PLCXD3: variants seen among roughly 807,000 people sequenced by gnomAD.
PLCXD3 encodes PI-PLC X domain-containing protein 3.
In PLCXD3, 19 loss-of-function variants were observed where a neutral mutation model predicts 25.5. The ratio of observed to expected loss-of-function variants is 0.75; its 90% CI spans 0.52 to 1.09. PLCXD3 has a LOEUF of 1.09. Ranked by LOEUF, PLCXD3 falls within the 50% of genes least tolerant of loss-of-function variation. PLCXD3 has a pLI of 0.00. For missense variants in PLCXD3, 411 were observed against 388.1 expected (o/e 1.06, Z -0.50); for synonymous variants, 174 against 137.6 (o/e 1.26, Z -1.85).
In PLCXD3 at chr5:41,328,672, A is replaced by G. The variant is rs1369026194; in HGVS notation, c.813-14902T>C. Among the ~76,000 whole-genome samples, 10 of 152,288 alleles carry G rather than the reference A, an allele frequency of 6.6e-5. No homozygotes were observed. The East Asian group carries it at 1.9e-3, about 29-fold the overall frequency. ...AAACTGATTACAGGATTCTTAGAAG[A>G]GAAACAGGGAAGCCTACAGGAATCA... On this transcript the variant is annotated intron_variant, in intron 2 of 2. Transcript: ENST00000377801.
intron 1 of PLCXD3, among the ~76,000 whole-genome samples, chr5:41,441,077 C>T (rs1747374229): frequency 6.6e-6 from 1 of 152,204 alleles, no homozygotes; most frequent in Admixed American, 6.5e-5. Flanking sequence ...CAACATCTTG[C>T]CACCAAATCC....
chr5:41,383,515 C>A (rs905420540), intron 1 of PLCXD3, among the ~76,000 whole-genome samples: 3 of 152,016 alleles, frequency 2.0e-5, no homozygotes, highest in Non-Finnish European at 4.4e-5. Flanking sequence ...TTCTTAAAGC[C>A]TCCTTTTATT....
At chr5:41,365,987 C>T (rs1205219604) in intron 2 of PLCXD3, among the ~76,000 whole-genome samples, 1 of 151,564 alleles carries the variant, frequency 6.6e-6, no homozygotes, top group Non-Finnish European at 1.5e-5. Context: ...TACTTGTGCA[C>T]AACGTGCAGG....
intron 1 of PLCXD3, among the ~76,000 whole-genome samples, chr5:41,401,334 T>C (rs1290564731): frequency 6.6e-6 from 1 of 152,116 alleles, no homozygotes; most frequent in Non-Finnish European, 1.5e-5. Flanking sequence ...TTTTATAGTT[T>C]TGGCATTTAT....
At chr5:41,374,043 G>A (rs1745205618) in intron 2 of PLCXD3, among the ~76,000 whole-genome samples, 1 of 152,134 alleles carries the variant, frequency 6.6e-6, no homozygotes, top group Admixed American at 6.6e-5. Context: ...TAGAGGAGCT[G>A]TAGCTTAGAT....
intron 2 of PLCXD3, among the ~76,000 whole-genome samples, chr5:41,367,698 A>C (rs1406565735): frequency 6.6e-6 from 1 of 152,048 alleles, no homozygotes; most frequent in African/African-American, 2.4e-5. Flanking sequence ...TTGCATCTTC[A>C]TCATGAAATC....
rs146181466 is a variant in PLCXD3 at position 41,326,168 on chromosome 5, C to T, written c.813-12398G>A. On this transcript the variant is annotated intron_variant, in intron 2 of 2. Transcript: ENST00000377801. Reference sequence around the variant, plus strand: ...ATTTAAGTCACCTATCTTTCTATCCCTCCATTCATCCATCCATGCATTCAT... The same window carrying T: ...ATTTAAGTCACCTATCTTTCTATCCTTCCATTCATCCATCCATGCATTCAT... Among the ~76,000 whole-genome samples, 189 of 152,222 alleles carry T rather than the reference C, an allele frequency of 1.2e-3. 1 individual carries two copies. The highest frequency in any genetic ancestry group is 4.5e-3 in the African/African-American group (186 of 41,532).
intron 1 of PLCXD3, among the ~76,000 whole-genome samples, chr5:41,464,809 T>C (rs1747973784): frequency 6.6e-6 from 1 of 152,058 alleles, no homozygotes; most frequent in South Asian, 2.1e-4. Context: ...ACTTTCTGAA[T>C]CTATCTTCCA....
chr5:41,409,102 A>G (rs1232011382), intron 1 of PLCXD3, among the ~76,000 whole-genome samples: 1 of 152,200 alleles, frequency 6.6e-6, no homozygotes, highest in Non-Finnish European at 1.5e-5. Context: ...TGAACAGCCC[A>G]AGGAGGACAA....
intron 1 of PLCXD3, among the ~76,000 whole-genome samples, chr5:41,389,627 A>G (rs2150495397): frequency 6.6e-6 from 1 of 152,276 alleles, no homozygotes; most frequent in African/African-American, 2.4e-5. Flanking sequence ...TCAACACCAT[A>G]TCTGCTGTTG....
At chr5:41,363,376 TA>T (rs954801596) in intron 2 of PLCXD3, among the ~76,000 whole-genome samples, 11 of 152,192 alleles carry the variant, frequency 7.2e-5, no homozygotes, top group African/African-American at 2.4e-4. Flanking sequence ...GATAATAATA[TA>T]TTTTTTTAAA....
At chr5:41,448,420 G>T (rs1246299284) in intron 1 of PLCXD3, among the ~76,000 whole-genome samples, 1 of 152,188 alleles carries the variant, frequency 6.6e-6, no homozygotes, top group Admixed American at 6.5e-5. Flanking sequence ...AAATGCCTCG[G>T]AAATTGGTGC....
At chr5:41,487,011 A>C (rs1334050164) in intron 1 of PLCXD3, among the ~76,000 whole-genome samples, 4 of 151,290 alleles carry the variant, frequency 2.6e-5, no homozygotes, top group African/African-American at 9.7e-5. Flanking sequence ...TGCGAATTTA[A>C]AAACCAAAGC....
chr5:41,427,765 C>A (rs1746995885), intron 1 of PLCXD3, among the ~76,000 whole-genome samples: 1 of 152,144 alleles, frequency 6.6e-6, no homozygotes, highest in African/African-American at 2.4e-5. Flanking sequence ...ACATTTCCTT[C>A]TTCCATTCAC....
chr5:41,314,198 A>G (rs1365694380), intron 2 of PLCXD3, among the ~76,000 whole-genome samples: 2 of 152,242 alleles, frequency 1.3e-5, no homozygotes, highest in African/African-American at 2.4e-5. Context: ...GATATTGTAA[A>G]TAGACATAAT....
chr5:41,451,643 T>C (rs547207541), intron 1 of PLCXD3, among the ~76,000 whole-genome samples: 3 of 150,572 alleles, frequency 2.0e-5, no homozygotes, highest in African/African-American at 7.3e-5. Flanking sequence ...TCCTCTCTCT[T>C]TTTTTTTTTT....
chr5:41,458,395 T>C (rs1354959600), intron 1 of PLCXD3, among the ~76,000 whole-genome samples: 1 of 151,782 alleles, frequency 6.6e-6, no homozygotes, highest in Non-Finnish European at 1.5e-5. Context: ...TTCTGAGAGA[T>C]AGAAGGGATG....
At chr5:41,333,808 A>G (rs553559283) in intron 2 of PLCXD3, among the ~76,000 whole-genome samples, 2 of 152,258 alleles carry the variant, frequency 1.3e-5, no homozygotes, top group East Asian at 3.9e-4. Context: ...GAACTAATTT[A>G]TTATAACTAT....
intron 2 of PLCXD3, among the ~76,000 whole-genome samples, chr5:41,335,406 A>C (rs111537021): frequency 0.015 from 2,224 of 152,194 alleles, 68 homozygotes; most frequent in African/African-American, 0.052. Flanking sequence ...AACACAAATC[A>C]ATTACCCTTA....
Sources: gnomAD v4.1 joint callset for allele counts (sites outside exome capture counted in the v4.1 genomes callset) on GRCh38, gnomAD v4.1.1 for gene constraint, MANE v1.5 for transcripts, NCBI Gene and HGNC (gene_info 2026-07-23, HGNC 2026-07-21) for gene names.